The following STEEP1 variants were observed in gnomAD, a reference collection of about 807,000 sequenced individuals.
STEEP1 encodes STING1 ER exit protein 1.
STEEP1 carries 3 observed loss-of-function variants against 19.2 expected under a neutral mutation model. The ratio of observed to expected loss-of-function variants is 0.16; its 90% confidence interval spans 0.07 to 0.40. The LOEUF is 0.40. STEEP1 is among the 10% of genes least tolerant of loss of function. The pLI is 0.99. For synonymous variants in STEEP1, 46 were observed against 63.7 expected (o/e 0.72, Z 1.32); for missense variants, 54 against 177.1 (o/e 0.30, Z 3.94).
chrX:119,549,581 T>A (rs963141375), intron 2 of STEEP1, among the ~76,000 whole-genome samples: 2 of 112,055 alleles, frequency 1.8e-5, no homozygotes, highest in Admixed American at 1.9e-4. Context: ...TGTAACATAA[T>A]ACCACAGACT....
intron 2 of STEEP1, 79 bp downstream of exon 2, chrX:119,560,189 T>C: frequency 2.9e-6 from 2 of 697,541 alleles, no homozygotes; most frequent in Admixed American, 2.4e-5. Flanking sequence ...TGTTCAACAA[T>C]AGATGTGATA....
At chrX:119,564,196 G>A (rs1257278809) in intron 1 of STEEP1, among the ~76,000 whole-genome samples, 3 of 111,543 alleles carry the variant, frequency 2.7e-5, no homozygotes, top group Non-Finnish European at 5.7e-5. Context: ...AAGGGAGCCA[G>A]ACAAGGGGAA....
intron 4 of STEEP1, among the ~76,000 whole-genome samples, chrX:119,543,249 G>A (rs2053178098): frequency 9.2e-6 from 1 of 109,243 alleles, no homozygotes; most frequent in Non-Finnish European, 1.9e-5. Flanking sequence ...AAGTGCAATG[G>A]TGCAATCTTG....
At chrX:119,557,765 A>G (rs191323289) in intron 2 of STEEP1, among the ~76,000 whole-genome samples, 1 of 111,224 alleles carries the variant, frequency 9.0e-6, no homozygotes, top group African/African-American at 3.3e-5. Context: ...AAACGCCAAA[A>G]ACCAGGAATG....
At chrX:119,560,858 G>A (rs1246162528) in intron 1 of STEEP1, among the ~76,000 whole-genome samples, 1 of 110,932 alleles carries the variant, frequency 9.0e-6, no homozygotes, top group Non-Finnish European at 1.9e-5. Context: ...GGGCGTGGTG[G>A]CATGCACCTA....
intron 5 of STEEP1, among the ~76,000 whole-genome samples, chrX:119,541,772 T>C (rs1036704948): frequency 8.9e-6 from 1 of 111,823 alleles, no homozygotes; most frequent in African/African-American, 3.2e-5. Flanking sequence ...CATCTTGCCA[T>C]CAATATCGTT....
chrX:119,557,320 G>A (rs746507463), intron 2 of STEEP1, among the ~76,000 whole-genome samples: 5 of 107,396 alleles, frequency 4.7e-5, no homozygotes, highest in East Asian at 2.9e-4. Flanking sequence ...CATTCTGGCC[G>A]GGCACAGTGG....
intron 2 of STEEP1, among the ~76,000 whole-genome samples, chrX:119,555,687 A>G (rs2053273821): frequency 9.1e-6 from 1 of 110,493 alleles, no homozygotes; most frequent in Non-Finnish European, 1.9e-5. Flanking sequence ...TAAGTAAGTG[A>G]TTTTGGGTAC....
At chrX:119,562,971 G>A (rs1181313914) in intron 1 of STEEP1, among the ~76,000 whole-genome samples, 2 of 111,380 alleles carry the variant, frequency 1.8e-5, no homozygotes, top group Non-Finnish European at 3.8e-5. Flanking sequence ...CTGGGGGGCA[G>A]GAACACTTTT....
chrX:119,558,438 G>A (rs2053297513), intron 2 of STEEP1, among the ~76,000 whole-genome samples: 1 of 111,246 alleles, frequency 9.0e-6, no homozygotes, highest in African/African-American at 3.3e-5. Flanking sequence ...TCGGGAGGCT[G>A]AGGCAGGAGA....
chrX:119,557,402 A>G (rs1388988175), intron 2 of STEEP1, among the ~76,000 whole-genome samples: 1 of 102,892 alleles, frequency 9.7e-6, no homozygotes, highest in Admixed American at 1.1e-4. Flanking sequence ...GTTTGAGACC[A>G]GCCTGGCCAA....
At chrX:119,545,020 T>C (rs775945358) in intron 3 of STEEP1, among the ~76,000 whole-genome samples, 10 of 110,713 alleles carry the variant, frequency 9.0e-5, no homozygotes, top group Non-Finnish European at 1.9e-4. Context: ...ATATTGGTAT[T>C]TGTGCATAGT....
intron 3 of STEEP1, among the ~76,000 whole-genome samples, chrX:119,545,046 G>A (rs922141640): frequency 9.0e-6 from 1 of 111,299 alleles, no homozygotes; most frequent in African/African-American, 3.3e-5. Context: ...TCTGAAGGCA[G>A]TTGATAAGGA....
chrX:119,542,429 G>A (rs2053171199), intron 5 of STEEP1, 76 bp downstream of exon 5: 1 of 718,275 alleles, frequency 1.4e-6, no homozygotes, highest in Non-Finnish European at 2.2e-6. Context: ...ACTACTCCAA[G>A]GCTCCCGCTC....
chrX:119,540,662 G>A (rs2053156376), intron 6 of STEEP1, among the ~76,000 whole-genome samples: 1 of 112,588 alleles, frequency 8.9e-6, no homozygotes, highest in East Asian at 2.8e-4. Flanking sequence ...GTACTACCAA[G>A]GTAGCCCTAT....
chrX:119,542,671 C>CTCA, intron 4 of STEEP1, 77 bp from the exon 5 acceptor site: 1 of 672,695 alleles, frequency 1.5e-6, no homozygotes, highest in Non-Finnish European at 2.4e-6. Flanking sequence ...TGCGCACACG[C>CTCA]CTGTGTGAGG....
intron 2 of STEEP1, among the ~76,000 whole-genome samples, chrX:119,558,393 C>T (rs1451069129): frequency 7.2e-5 from 8 of 110,794 alleles, no homozygotes; most frequent in Non-Finnish European, 1.3e-4. Context: ...AAAAATTAGC[C>T]GGGCATGGTG....
chrX:119,560,427 A>T, intron 1 of STEEP1, 42 bp from the exon 2 acceptor site: 2 of 917,967 alleles, frequency 2.2e-6, no homozygotes, highest in Non-Finnish European at 3.2e-6. Context: ...TCATGGCAAA[A>T]TATAGCAAAT....
intron 6 of STEEP1, 142 bp from the exon 7 acceptor site, chrX:119,539,931 C>A: frequency 2.4e-6 from 1 of 419,669 alleles, no homozygotes; most frequent in Non-Finnish European, 4.1e-6. Context: ...TTATATACCT[C>A]TAACATCTAC....
Sources: allele counts gnomAD v4.1 joint callset (sites outside exome capture counted in the v4.1 genomes callset), GRCh38; gene constraint gnomAD v4.1.1; transcripts MANE v1.5; gene names NCBI Gene and HGNC (gene_info 2026-07-23, HGNC 2026-07-21).